FBXO11: variants seen among roughly 807,000 people sequenced by gnomAD.
The protein encoded by FBXO11 is F-box only protein 11.
Under a neutral mutation model 117.0 loss-of-function variants are expected in FBXO11, and 13 were observed. The ratio of observed to expected loss-of-function variants is 0.11; its 90% CI spans 0.07 to 0.18. The LOEUF (loss-of-function observed/expected upper bound fraction) is 0.18, where lower values mean the gene tolerates loss of function less well. Ranked by LOEUF, FBXO11 falls within the 10% of genes least tolerant of loss-of-function variation. FBXO11 has a pLI of 1.00. For synonymous variants in FBXO11, 490 were observed against 380.5 expected (o/e 1.29, Z -3.35); for missense variants, 767 against 1,164.4 (o/e 0.66, Z 4.97).
chr2:47,871,146 G>C (rs1675596847), intron 1 of FBXO11, among the ~76,000 whole-genome samples: 1 of 152,146 alleles, frequency 6.6e-6, no homozygotes, highest in Admixed American at 6.5e-5. Flanking sequence ...TGGGAGAGTA[G>C]GTGATAAAAG....
At chr2:47,863,055 C>CAAAA (rs763187950) in intron 1 of FBXO11, among the ~76,000 whole-genome samples, 1 of 73,956 alleles carries the variant, frequency 1.4e-5, no homozygotes, top group Non-Finnish European at 2.7e-5. Flanking sequence ...AACTGTGTCT[C>CAAAA]AAAAAAAAAA....
intron 1 of FBXO11, among the ~76,000 whole-genome samples, chr2:47,849,736 G>C (rs145979256): frequency 1.3e-5 from 2 of 152,320 alleles, no homozygotes; most frequent in East Asian, 3.9e-4. Flanking sequence ...CTAAGAAATG[G>C]ATGACAACTG....
chr2:47,862,669 T>TA (rs1334785793), intron 1 of FBXO11, among the ~76,000 whole-genome samples: 13 of 152,200 alleles, frequency 8.5e-5, no homozygotes, highest in African/African-American at 3.1e-4. Flanking sequence ...GATCATCTTT[T>TA]AGCAGTGATC....
At chr2:47,846,671 T>C (rs1409449927) in intron 1 of FBXO11, among the ~76,000 whole-genome samples, 1 of 152,104 alleles carries the variant, frequency 6.6e-6, no homozygotes, top group Non-Finnish European at 1.5e-5. Flanking sequence ...AATCCACATA[T>C]GTAATTTAGC....
chr2:47,904,711 G>T (rs1447609604), intron 1 of FBXO11, among the ~76,000 whole-genome samples: 1 of 152,146 alleles, frequency 6.6e-6, no homozygotes, highest in African/African-American at 2.4e-5. Context: ...GGGTCGCTCG[G>T]GGAGGACAGG....
At chr2:47,863,744 C>A (rs1674971385) in intron 1 of FBXO11, among the ~76,000 whole-genome samples, 1 of 152,132 alleles carries the variant, frequency 6.6e-6, no homozygotes, top group Non-Finnish European at 1.5e-5. Flanking sequence ...AGTTTGAGAC[C>A]AGCCTGGCTA....
intron 1 of FBXO11, among the ~76,000 whole-genome samples, chr2:47,842,779 TA>T (rs34363506): frequency 0.17 from 22,603 of 134,006 alleles, 1,946 homozygotes; most frequent in Admixed American, 0.3. Context: ...AATTTTTCTT[TA>T]AAAAAAAAAA....
intron 11 of FBXO11, among the ~76,000 whole-genome samples, chr2:47,825,513 C>G (rs111786356): frequency 0.013 from 1,901 of 149,120 alleles, 28 homozygotes; most frequent in African/African-American, 0.042. Context: ...TAGTATAACT[C>G]TTAGTCTCTC....
rs1670337618 is a variant in FBXO11 at position 47,807,949 on chromosome 2, T to C, written c.*169A>G. 1 of 627,868 alleles carries C rather than the reference T, an allele frequency of 1.6e-6. No homozygotes were observed. 38.9% of individuals were successfully genotyped at this position (627,868 alleles called of 1,614,324 possible). A position where few individuals can be genotyped will look rare whatever the true frequency, so the allele number is the denominator to read the frequency against. On this transcript the variant is annotated 3_prime_UTR_variant, in exon 23 of 23. Coordinates refer to ENST00000403359, the MANE Select transcript of FBXO11 (RefSeq NM_001190274.2). Reference sequence around the variant, plus strand: ...GCTTTGAGATCCTGAGTCAATATATTGCCACTTTCTTTTTGGTAGCTTGAG... The same window carrying C: ...GCTTTGAGATCCTGAGTCAATATATCGCCACTTTCTTTTTGGTAGCTTGAG...
chr2:47,891,989 A>G (rs936198083), intron 1 of FBXO11, among the ~76,000 whole-genome samples: 4 of 152,216 alleles, frequency 2.6e-5, no homozygotes, highest in Admixed American at 6.5e-5. Flanking sequence ...ACTAAGTTGC[A>G]GAAGTTCCTT....
chr2:47,868,037 A>C (rs1378798275), intron 1 of FBXO11, among the ~76,000 whole-genome samples: 3 of 152,132 alleles, frequency 2.0e-5, no homozygotes, highest in Admixed American at 6.5e-5. Flanking sequence ...ACATCAGAGG[A>C]GGCAGAGAAC....
At chr2:47,834,036 T>C (rs1327192080) in intron 7 of FBXO11, among the ~76,000 whole-genome samples, 1 of 152,024 alleles carries the variant, frequency 6.6e-6, no homozygotes, top group African/African-American at 2.4e-5. Context: ...TCAAGGCAAA[T>C]GGAGAAAGTA....
Position 47,809,565 on chromosome 2 carries a change from G to A in FBXO11, c.2446+35C>T, listed in dbSNP as rs749713463. Reference sequence around the variant, plus strand: ...TTCTGATTATCTTTCATGGCATATTGCATATATTTATAGGTATAGCAGACT... The same window carrying A: ...TTCTGATTATCTTTCATGGCATATTACATATATTTATAGGTATAGCAGACT... On this transcript the variant is annotated intron_variant, in intron 20 of 22. Coordinates refer to ENST00000403359, the MANE Select transcript of FBXO11 (RefSeq NM_001190274.2). 3 of 1,409,326 alleles carry A rather than the reference G, an allele frequency of 2.1e-6. No homozygotes were observed. The Admixed American group carries it at 5.5e-5, about 26-fold the overall frequency. The allele number at this position is 1,409,326 out of a possible 1,614,324, so 87.3% of individuals were successfully genotyped here.
intron 4 of FBXO11, among the ~76,000 whole-genome samples, chr2:47,837,248 C>T (rs1029650824): frequency 2.0e-5 from 3 of 152,140 alleles, no homozygotes; most frequent in Non-Finnish European, 4.4e-5. Context: ...AGGTGTGGGC[C>T]GGGCACAGTG....
intron 1 of FBXO11, 71 bp downstream of exon 1, chr2:47,905,418 G>A: frequency 9.2e-7 from 1 of 1,088,792 alleles, no homozygotes; most frequent in East Asian, 4.7e-5. Flanking sequence ...CCGCCCGCCC[G>A]CCCGCCCGCC....
At chr2:47,869,541 G>A (rs932649936) in intron 1 of FBXO11, among the ~76,000 whole-genome samples, 2 of 152,174 alleles carry the variant, frequency 1.3e-5, no homozygotes, top group Admixed American at 1.3e-4. Context: ...CCCAATTCAG[G>A]TGGGACTACT....
rs2104600566 is a variant in FBXO11, at chr2:47,807,355, C to T, written c.*763G>A. 1 of 211,618 alleles carries T rather than the reference C, an allele frequency of 4.7e-6. No homozygotes were observed. The highest frequency in any genetic ancestry group is 7.2e-5 in the East Asian group (1 of 13,804). 13.1% of individuals were successfully genotyped at this position (211,618 alleles called of 1,614,324 possible). ...AATACTTTTGTTTTACAGTGCATCC[C>T]TTCCTAGGAAGTCTCATTAAAACAC... On this transcript the variant is annotated 3_prime_UTR_variant, in exon 23 of 23. Coordinates refer to ENST00000403359, the MANE Select transcript of FBXO11 (RefSeq NM_001190274.2).
chr2:47,858,245 G>C (rs1233870837), intron 1 of FBXO11, among the ~76,000 whole-genome samples: 1 of 151,796 alleles, frequency 6.6e-6, no homozygotes, highest in African/African-American at 2.4e-5. Context: ...CCTGACCTCA[G>C]GTGGTCCACC....
chr2:47,869,231 G>A (rs1010711130), intron 1 of FBXO11, among the ~76,000 whole-genome samples: 2 of 152,150 alleles, frequency 1.3e-5, no homozygotes, highest in African/African-American at 4.8e-5. Context: ...TTGTCTCTGT[G>A]AGCTTATGCT....
Sources: gnomAD v4.1 joint callset for allele counts (sites outside exome capture counted in the v4.1 genomes callset) on GRCh38, gnomAD v4.1.1 for gene constraint, MANE v1.5 for transcripts, NCBI Gene and HGNC (gene_info 2026-07-23, HGNC 2026-07-21) for gene names.